GRM7: variants seen among roughly 807,000 people sequenced by gnomAD.
GRM7 encodes the protein metabotropic glutamate receptor 7.
GRM7 carries 35 observed loss-of-function variants against 84.5 expected under a neutral mutation model. That is an observed-to-expected ratio of 0.41 (90% confidence interval 0.32 to 0.55). GRM7 has a LOEUF of 0.55. Ranked by LOEUF, GRM7 falls within the 20% of genes least tolerant of loss-of-function variation. GRM7 has a pLI of 0.19. For synonymous variants in GRM7, 487 were observed against 455.1 expected (o/e 1.07, Z -0.89); for missense variants, 1,003 against 1,194.6 (o/e 0.84, Z 2.36).
At chr3:6,967,293 G>A (rs1693559809) in intron 1 of GRM7, among the ~76,000 whole-genome samples, 1 of 152,106 alleles carries the variant, frequency 6.6e-6, no homozygotes, top group Non-Finnish European at 1.5e-5. Flanking sequence ...CCTGGGCACA[G>A]GTGATCTTCC....
chr3:6,926,741 C>A (rs1394907969), intron 1 of GRM7, among the ~76,000 whole-genome samples: 2 of 152,180 alleles, frequency 1.3e-5, no homozygotes, highest in East Asian at 3.8e-4. Context: ...TGAACATCAC[C>A]ATTTTAATAA....
chr3:7,369,315 G>A (rs547695937), intron 4 of GRM7, among the ~76,000 whole-genome samples: 67 of 152,194 alleles, frequency 4.4e-4, no homozygotes, highest in African/African-American at 1.6e-3. Flanking sequence ...TGACTCTGAT[G>A]TTGTCACCAC....
intron 1 of GRM7, among the ~76,000 whole-genome samples, chr3:7,026,868 A>G (rs935109456): frequency 5.9e-5 from 9 of 152,250 alleles, no homozygotes; most frequent in African/African-American, 1.7e-4. Context: ...ACCCAAATTA[A>G]CATATTTGAC....
At chr3:7,077,377 G>A (rs1416006396) in intron 1 of GRM7, among the ~76,000 whole-genome samples, 1 of 152,100 alleles carries the variant, frequency 6.6e-6, no homozygotes, top group African/African-American at 2.4e-5. Context: ...TATATACCAT[G>A]GAATACTATG....
chr3:7,397,023 G>A (rs1695239079), intron 4 of GRM7, among the ~76,000 whole-genome samples: 1 of 151,960 alleles, frequency 6.6e-6, no homozygotes, highest in Admixed American at 6.6e-5. Flanking sequence ...GTGCCCATGG[G>A]TTCCATTTTC....
At position 7,410,177 on chromosome 3, in the gene GRM7, A is replaced by G. The variant is rs139776285; in HGVS notation, c.1034-4846A>G. 4.5e-4 allele frequency among the ~76,000 whole-genome samples: 68 copies of G among 152,238 alleles called. 1 individual carries two copies. Among genetic ancestry groups the G allele is most frequent in the African/African-American group, 1.6e-3 (66 of 41,558 alleles). ...AAAGGAATATCTATTTTGTGAACACATGGAGTTGGGGTTCGGTGTTACTAG... is the reference window on the plus strand; with the variant it reads ...AAAGGAATATCTATTTTGTGAACACGTGGAGTTGGGGTTCGGTGTTACTAG... On this transcript the variant is annotated intron_variant, in intron 4 of 9. Transcript: ENST00000357716.
chr3:7,571,639 C>A (rs1293640547), intron 7 of GRM7, among the ~76,000 whole-genome samples: 1 of 152,174 alleles, frequency 6.6e-6, no homozygotes, highest in Non-Finnish European at 1.5e-5. Flanking sequence ...CCACATTTTC[C>A]TGTCTTCTTC....
At position 7,532,803 on chromosome 3, in the gene GRM7, C is replaced by CAAA. The variant is rs36040168; in HGVS notation, c.1516-45602_1516-45600dup. 2.8e-3 allele frequency among the ~76,000 whole-genome samples: 196 copies of CAAA among 70,618 alleles called. 7 individuals are homozygous for CAAA. Among genetic ancestry groups the CAAA allele is most frequent in the South Asian group, 7.5e-3 (11 of 1,472 alleles). The allele number at this position is 70,618 out of a possible 152,430, so 46.3% of individuals were successfully genotyped here. On this transcript the variant is annotated intron_variant, in intron 7 of 9. Coordinates refer to ENST00000357716, the MANE Select transcript of GRM7 (RefSeq NM_000844.4). ...GAATATTTACCAAGCAAAGGGAAAG[C>CAAA]AAAAAAAAAAAAAAAAAAAGCAGGG...
intron 2 of GRM7, among the ~76,000 whole-genome samples, chr3:7,162,320 A>T (rs1694650613): frequency 6.6e-6 from 1 of 152,168 alleles, no homozygotes; most frequent in African/African-American, 2.4e-5. Flanking sequence ...TCAAACTCTA[A>T]AATTGGTGAT....
chr3:7,072,680 C>T (rs1408123810), intron 1 of GRM7, among the ~76,000 whole-genome samples: 1 of 151,922 alleles, frequency 6.6e-6, no homozygotes, highest in Non-Finnish European at 1.5e-5. Context: ...GACTGAGACC[C>T]TGTCTCAAAA....
intron 1 of GRM7, among the ~76,000 whole-genome samples, chr3:6,947,183 G>A (rs902389218): frequency 1.3e-5 from 2 of 152,174 alleles, no homozygotes; most frequent in African/African-American, 4.8e-5. Context: ...GATATTGGCT[G>A]TGGGTTTGTC....
At chr3:7,078,806 C>G (rs1277712019) in intron 1 of GRM7, among the ~76,000 whole-genome samples, 1 of 149,786 alleles carries the variant, frequency 6.7e-6, no homozygotes, top group Non-Finnish European at 1.5e-5. Context: ...GAAATGTAGG[C>G]TTCTCTCCTA....
At chr3:7,484,030 T>A (rs1699231330) in intron 7 of GRM7, among the ~76,000 whole-genome samples, 1 of 152,200 alleles carries the variant, frequency 6.6e-6, no homozygotes, top group Non-Finnish European at 1.5e-5. Context: ...GGCTTCACAC[T>A]TTTTGATGCA....
At position 7,330,070 on chromosome 3, in the gene GRM7, C is replaced by T. The variant is rs1196497518; in HGVS notation, c.1033+23418C>T. Among the ~76,000 whole-genome samples the T allele has an allele frequency of 2.6e-5, 4 of 151,922 alleles. 1 individual carries two copies. Among genetic ancestry groups the T allele is most frequent in the Non-Finnish European group, 5.9e-5 (4 of 67,996 alleles). On this transcript the variant is annotated intron_variant, in intron 4 of 9. Transcript: ENST00000357716. ...CACAGAAGGTAATGTTCATGTTACC[C>T]AATCACAGAGGTTGAGGCATGGGGT... is the stretch of plus-strand genomic sequence containing the variant.
chr3:7,558,928 T>C (rs1693888104), intron 7 of GRM7, among the ~76,000 whole-genome samples: 1 of 152,150 alleles, frequency 6.6e-6, no homozygotes, highest in African/African-American at 2.4e-5. Flanking sequence ...GGAAGCTTGT[T>C]ATTAAAAGCA....
chr3:7,440,262 A>T (rs1697232740), intron 5 of GRM7, among the ~76,000 whole-genome samples: 1 of 152,190 alleles, frequency 6.6e-6, no homozygotes, highest in African/African-American at 2.4e-5. Context: ...TAAAGCTATC[A>T]ACTCTAGCAA....
intron 1 of GRM7, among the ~76,000 whole-genome samples, chr3:7,039,668 G>A (rs1423515327): frequency 1.3e-5 from 2 of 151,922 alleles, no homozygotes; most frequent in Non-Finnish European, 2.9e-5. Flanking sequence ...CTAAAATGCA[G>A]TTCAGGGAAA....
chr3:7,158,743 C>T (rs1235770360), intron 2 of GRM7, among the ~76,000 whole-genome samples: 1 of 152,142 alleles, frequency 6.6e-6, no homozygotes, highest in Non-Finnish European at 1.5e-5. Context: ...ATTCTGGCAT[C>T]TCCAGTCCAT....
At chr3:7,291,307 G>C (rs1699611331) in intron 2 of GRM7, among the ~76,000 whole-genome samples, 1 of 152,080 alleles carries the variant, frequency 6.6e-6, no homozygotes, top group Admixed American at 6.6e-5. Context: ...AAAGTAGGTG[G>C]GTGCTAACAG....
Sources: gnomAD v4.1 joint callset for allele counts (sites outside exome capture counted in the v4.1 genomes callset) on GRCh38, gnomAD v4.1.1 for gene constraint, MANE v1.5 for transcripts, NCBI Gene and HGNC (gene_info 2026-07-23, HGNC 2026-07-21) for gene names.